The following ATG3 variants were observed in gnomAD, a reference collection of about 807,000 sequenced individuals.
The protein encoded by ATG3 is autophagy related 3, also known as ubiquitin-like-conjugating enzyme ATG3.
A neutral mutation model predicts 50.7 loss-of-function variants in ATG3; 25 were observed. That is an observed-to-expected ratio of 0.49 (90% confidence interval 0.36 to 0.69). The LOEUF is 0.69. Among genes scored for constraint, ATG3 ranks in the 30% least tolerant of loss-of-function variants. ATG3 has a pLI of 0.00. For missense variants in ATG3, 281 were observed against 376.0 expected (o/e 0.75, Z 2.09); for synonymous variants, 119 against 125.5 (o/e 0.95, Z 0.34).
intron 7 of ATG3, among the ~76,000 whole-genome samples, chr3:112,539,659 C>T (rs1050830084): frequency 2.0e-5 from 3 of 152,144 alleles, no homozygotes; most frequent in Non-Finnish European, 4.4e-5. Flanking sequence ...TCCATGAAAT[C>T]ATGTCTACTG....
In ATG3 at chr3:112,535,400, A is replaced by G. The variant is rs538766086; in HGVS notation, c.795-1063T>C. ...AGTCATCTATTTTATTAAAATGTTT[A>G]ACATAATTACCAGTTATTTTTCCCC... On this transcript the variant is annotated intron_variant, in intron 10 of 11. Coordinates refer to ENST00000283290, the MANE Select transcript of ATG3 (RefSeq NM_022488.5). The G allele has an allele frequency of 2.6e-5, 4 of 152,288 alleles. No individual in the cohort carries two copies. The East Asian group carries it at 7.7e-4, about 29-fold the overall frequency. The allele number at this position is 152,288 out of a possible 1,614,324, so 9.4% of individuals were successfully genotyped here. A position where few individuals can be genotyped will look rare whatever the true frequency, so the allele number is the denominator to read the frequency against.
At chr3:112,538,230 T>C in intron 7 of ATG3, 50 bp from the exon 8 acceptor site, 2 of 1,415,524 alleles carry the variant, frequency 1.4e-6, no homozygotes, top group Non-Finnish European at 1.9e-6. Context: ...TTCAAGAAAA[T>C]TCCCTAAACC....
chr3:112,544,191 A>C (rs1237847296), intron 5 of ATG3, 85 bp from the exon 6 acceptor site: 1 of 1,118,620 alleles, frequency 8.9e-7, no homozygotes, highest in Non-Finnish European at 1.3e-6. Flanking sequence ...AAAATGCTGA[A>C]AATTCTCACA....
At chr3:112,541,673 T>C in intron 7 of ATG3, 130 bp downstream of exon 7, 3 of 712,624 alleles carry the variant, frequency 4.2e-6, no homozygotes, top group Non-Finnish European at 7.0e-6. Context: ...GAACTAAACA[T>C]ATATAAAACA....
chr3:112,540,821 G>C (rs1401682514), intron 7 of ATG3, among the ~76,000 whole-genome samples: 1 of 152,090 alleles, frequency 6.6e-6, no homozygotes, highest in Non-Finnish European at 1.5e-5. Flanking sequence ...GTGTAATAAA[G>C]ATAAACTGGA....
intron 4 of ATG3, 130 bp from the exon 5 acceptor site, chr3:112,548,770 TTTAA>T: frequency 8.3e-6 from 6 of 727,002 alleles, no homozygotes; most frequent in Non-Finnish European, 1.4e-5. Flanking sequence ...ATATTTCACT[TTTAA>T]AGGTGATTAA....
chr3:112,543,828 T>C (rs1933296350), intron 6 of ATG3, among the ~76,000 whole-genome samples: 1 of 152,134 alleles, frequency 6.6e-6, no homozygotes, highest in African/African-American at 2.4e-5. Context: ...TACTTAACCA[T>C]ACTACAAATT....
Position 112,544,165 on chromosome 3 carries a change from T to G in ATG3, c.344-59A>C, listed in dbSNP as rs201756012. On this transcript the variant is annotated intron_variant, in intron 5 of 11. Coordinates refer to ENST00000283290, the MANE Select transcript of ATG3 (RefSeq NM_022488.5). The stretch of plus-strand genomic sequence containing the variant: ...ATTAAACTGTAAACACCCTATTTAC[T>G]TATTAAAGCAATATAAAAATGCTGA... 3 of 1,340,084 alleles carry G rather than the reference T, an allele frequency of 2.2e-6. No individual in the cohort carries two copies. In the East Asian group the frequency reaches 6.9e-5, roughly 31 times the overall value. 83.0% of individuals were successfully genotyped at this position (1,340,084 alleles called of 1,614,324 possible).
intron 2 of ATG3, 173 bp downstream of exon 2, chr3:112,558,203 A>C: frequency 1.7e-6 from 1 of 579,640 alleles, no homozygotes; most frequent in Non-Finnish European, 3.1e-6. Context: ...ACTGACGGGG[A>C]AGTTACATCT....
At chr3:112,559,668 G>C (rs1023587055) in intron 1 of ATG3, among the ~76,000 whole-genome samples, 3 of 152,222 alleles carry the variant, frequency 2.0e-5, no homozygotes, top group African/African-American at 7.2e-5. Context: ...GCGCGTTTCA[G>C]ATAGAGGGAA....
chr3:112,560,919 A>T (rs1249400308), intron 1 of ATG3, among the ~76,000 whole-genome samples: 1 of 152,178 alleles, frequency 6.6e-6, no homozygotes, highest in Non-Finnish European at 1.5e-5. Context: ...GATGGGTTCA[A>T]GGTTACTGAA....
chr3:112,551,391 G>A (rs1038347409), intron 3 of ATG3, among the ~76,000 whole-genome samples: 1 of 152,228 alleles, frequency 6.6e-6, no homozygotes, highest in African/African-American at 2.4e-5. Flanking sequence ...GAAGGCATAA[G>A]CATGGAAATA....
chr3:112,553,446 A>T, intron 2 of ATG3, 117 bp from the exon 3 acceptor site: 1 of 770,950 alleles, frequency 1.3e-6, no homozygotes, highest in Non-Finnish European at 2.2e-6. Context: ...AAATCCAGTA[A>T]GCAATAAAAA....
At chr3:112,550,102 G>A in intron 4 of ATG3, 90 bp downstream of exon 4, 2 of 923,230 alleles carry the variant, frequency 2.2e-6, no homozygotes, top group East Asian at 2.7e-5. Context: ...TAAAACTAAG[G>A]AAAAAATTTT....
chr3:112,533,129 A>G (rs1230420590), intron 11 of ATG3: 2 of 998,656 alleles, frequency 2.0e-6, no homozygotes, highest in Non-Finnish European at 2.4e-6. Context: ...GTTATGTCAG[A>G]AAATGAGGCA....
At chr3:112,548,456 T>G in intron 5 of ATG3, 77 bp downstream of exon 5, 1 of 1,260,032 alleles carries the variant, frequency 7.9e-7, no homozygotes, top group Non-Finnish European at 1.1e-6. Context: ...ATCCTCTTTT[T>G]TAAATCAAGG....
At chr3:112,560,498 C>T (rs1933826970) in intron 1 of ATG3, among the ~76,000 whole-genome samples, 1 of 152,062 alleles carries the variant, frequency 6.6e-6, no homozygotes, top group Admixed American at 6.5e-5. Flanking sequence ...CAAAGCAAAA[C>T]TCTCCACTAT....
intron 6 of ATG3, 82 bp from the exon 7 acceptor site, chr3:112,541,966 A>T: frequency 2.0e-6 from 2 of 1,001,326 alleles, no homozygotes; most frequent in Non-Finnish European, 1.5e-6. Flanking sequence ...GCACAGTGGT[A>T]ACCACTGTGA....
chr3:112,540,926 G>A (rs906661964), intron 7 of ATG3, among the ~76,000 whole-genome samples: 3 of 152,182 alleles, frequency 2.0e-5, no homozygotes, highest in African/African-American at 4.8e-5. Context: ...TCATGCTCAT[G>A]AAATACAAAG....
Sources: allele counts gnomAD v4.1 joint callset (sites outside exome capture counted in the v4.1 genomes callset), GRCh38; gene constraint gnomAD v4.1.1; transcripts MANE v1.5; gene names NCBI Gene and HGNC (gene_info 2026-07-23, HGNC 2026-07-21).